UNC79: variants seen among roughly 807,000 people sequenced by gnomAD.
UNC79 encodes the protein unc-79 subunit of NALCN channel complex.
A neutral mutation model predicts 283.1 loss-of-function variants in UNC79; 37 were observed. The observed-to-expected ratio is 0.13, with a 90% CI of 0.10 to 0.17. The LOEUF is 0.17. Ranked by LOEUF, UNC79 falls within the 10% of genes least tolerant of loss-of-function variation. UNC79 has a pLI of 1.00. For missense variants in UNC79, 2,272 were observed against 3,211.1 expected, an observed-to-expected ratio of 0.71 and a Z score of 7.07; for synonymous variants, 1,107 against 1,200.2, an observed-to-expected ratio of 0.92 and a Z score of 1.61.
chr14:93,633,894 C>T (rs2068263245), intron 31 of UNC79, among the ~76,000 whole-genome samples: 1 of 152,098 alleles, frequency 6.6e-6, no homozygotes, highest in Non-Finnish European at 1.5e-5. Context: ...ATTTTTCAAA[C>T]AGTAGGCAGA....
chr14:93,663,031 T>C (rs1411529734), intron 40 of UNC79, among the ~76,000 whole-genome samples: 1 of 152,204 alleles, frequency 6.6e-6, no homozygotes, highest in Non-Finnish European at 1.5e-5. Context: ...TAAGGTCCTT[T>C]TCAAGTTCAT....
At chr14:93,512,397 G>T (rs1351612645) in intron 7 of UNC79, among the ~76,000 whole-genome samples, 4 of 135,178 alleles carry the variant, frequency 3.0e-5, no homozygotes, top group Non-Finnish European at 6.5e-5. Context: ...CTTGGGGTTT[G>T]CTGAGCTTCT....
At chr14:93,482,490 C>T (rs1487399021) in intron 4 of UNC79, among the ~76,000 whole-genome samples, 2 of 152,168 alleles carry the variant, frequency 1.3e-5, no homozygotes, top group African/African-American at 4.8e-5. Flanking sequence ...AACCCTATCT[C>T]ATGGAACACA....
chr14:93,691,220 AGG>A, intron 45 of UNC79: 2 of 163,634 alleles, frequency 1.2e-5, no homozygotes, highest in Admixed American at 1.1e-4. Flanking sequence ...GAGGTGATAT[AGG>A]AAAAGCCTCT....
intron 1 of UNC79, chr14:93,347,979 A>G (rs921647544): frequency 1.8e-6 from 2 of 1,133,372 alleles, no homozygotes; most frequent in South Asian, 1.2e-5. Flanking sequence ...GCAGCAAGTC[A>G]CTGGCCTAGG....
chr14:93,585,170 C>T (rs1346548881), intron 20 of UNC79, among the ~76,000 whole-genome samples: 1 of 152,228 alleles, frequency 6.6e-6, no homozygotes, highest in Non-Finnish European at 1.5e-5. Flanking sequence ...TAAATTGTCT[C>T]TGCAGGAGAG....
At chr14:93,576,373 A>G (rs543838813) in intron 17 of UNC79, among the ~76,000 whole-genome samples, 2 of 152,292 alleles carry the variant, frequency 1.3e-5, no homozygotes, top group Admixed American at 1.3e-4. Flanking sequence ...AAACCTCAGC[A>G]TCATGCAATA....
At position 93,531,570 on chromosome 14, in the gene UNC79, C is replaced by T. The variant is rs955524609; in HGVS notation, c.1094-980C>T. On this transcript the variant is annotated intron_variant, in intron 10 of 48. Transcript: ENST00000555664. The surrounding 1 kb of genome is among the most constrained non-coding windows in gnomAD (Gnocchi z 4.2). ...ACAGTCTTGCTCCAACTGGTCTACC[C>T]GTGGGTTTGAAAATTGCTTTCTCTT... Among the ~76,000 whole-genome samples the T allele has an allele frequency of 1.3e-5, 2 of 152,130 alleles. No homozygotes were observed. The highest frequency in any genetic ancestry group is 4.8e-5 in the African/African-American group (2 of 41,416).
chr14:93,399,799 G>T (rs7146975), intron 1 of UNC79, among the ~76,000 whole-genome samples: 18,087 of 152,098 alleles, frequency 0.12, 1,338 homozygotes, highest in African/African-American at 0.21. Flanking sequence ...CTCTTCCTTT[G>T]CATTGCCAAT....
chr14:93,376,215 T>C (rs1251301086), intron 1 of UNC79, among the ~76,000 whole-genome samples: 12 of 152,238 alleles, frequency 7.9e-5, no homozygotes, highest in South Asian at 2.1e-4. Flanking sequence ...TATGCAACAA[T>C]AGATAACCAG....
At chr14:93,699,157 A>G (rs2075357065) in intron 47 of UNC79, among the ~76,000 whole-genome samples, 1 of 152,080 alleles carries the variant, frequency 6.6e-6, no homozygotes, top group Non-Finnish European at 1.5e-5. Context: ...CTTTTGATTG[A>G]GGTTTTTAGA....
rs536923288 is a variant in UNC79, at chr14:93,688,281, C to T, written c.6910-384C>T. ...TATGAAAAAGAGGCAGAAGGCAGCA[C>T]GGACCTGGCCGGGGAGGTCAGGGAA... On this transcript the variant is annotated intron_variant, in intron 43 of 48. Coordinates refer to ENST00000555664, the Ensembl canonical transcript of UNC79. The surrounding 1 kb of genome is among the most constrained non-coding windows in gnomAD (Gnocchi z 4.0). Among the ~76,000 whole-genome samples the T allele has an allele frequency of 1.3e-5, 2 of 152,242 alleles. No homozygotes were observed. The highest frequency in any genetic ancestry group is 2.1e-4 in the South Asian group (1 of 4,824).
intron 1 of UNC79, among the ~76,000 whole-genome samples, chr14:93,357,807 GGATATATATATA>G (rs1457975397): frequency 1.6e-4 from 16 of 101,456 alleles, no homozygotes; most frequent in Non-Finnish European, 2.2e-4. Flanking sequence ...ATGGATATAT[GGATATATATATA>G]TGGATATATG....
chr14:93,621,359 A>G lies in UNC79; in HGVS notation c.4388-262A>G, dbSNP rs2067118131. Among the ~76,000 whole-genome samples the G allele has an allele frequency of 6.6e-6, 1 of 152,188 alleles. No individual in the cohort carries two copies. On this transcript the variant is annotated intron_variant, in intron 29 of 48. Transcript: ENST00000555664. This position sits in a 1 kb window ranked among gnomAD's most constrained non-coding sequence, Gnocchi z 4.8. ...AAATGATCCCCTCTCCTATGCACAA[A>G]TGAACAGAGCTGAGGAATTATCCCG...
At chr14:93,697,599 C>T (rs2075239998) in intron 47 of UNC79, among the ~76,000 whole-genome samples, 1 of 151,890 alleles carries the variant, frequency 6.6e-6, no homozygotes, top group African/African-American at 2.4e-5. Context: ...ATTGGTTTGT[C>T]AATTTCTACA....
chr14:93,352,345 C>T (rs1173435489), intron 1 of UNC79, among the ~76,000 whole-genome samples: 1 of 152,132 alleles, frequency 6.6e-6, no homozygotes, highest in Non-Finnish European at 1.5e-5. Flanking sequence ...CCTTCATGTG[C>T]TCCAAATTAT....
chr14:93,432,101 ATTC>A (rs1164694334), intron 1 of UNC79, among the ~76,000 whole-genome samples: 2 of 152,212 alleles, frequency 1.3e-5, no homozygotes, highest in Admixed American at 1.3e-4. Context: ...AGTCTTTGTA[ATTC>A]TTCTTTGGAA....
chr14:93,660,692 CAAT>C (rs1430690970), intron 39 of UNC79, among the ~76,000 whole-genome samples: 1 of 151,284 alleles, frequency 6.6e-6, no homozygotes, highest in East Asian at 1.9e-4. Context: ...CGGGTTCAAA[CAAT>C]TCTCCCTGCC....
intron 5 of UNC79, among the ~76,000 whole-genome samples, chr14:93,495,369 G>A (rs2058969894): frequency 6.6e-6 from 1 of 152,240 alleles, no homozygotes; most frequent in African/African-American, 2.4e-5. Flanking sequence ...ATCAGATCTC[G>A]GGAGAACTCA....
Sources: gnomAD v4.1 joint callset for allele counts (sites outside exome capture counted in the v4.1 genomes callset) on GRCh38, gnomAD v4.1.1 for gene constraint, Gnocchi (gnomAD v3.1) non-coding constraint, MANE v1.5 for transcripts, NCBI Gene and HGNC (gene_info 2026-07-23, HGNC 2026-07-21) for gene names.